The following RIC3 variants were observed in gnomAD, a reference collection of about 807,000 sequenced individuals.
RIC3 encodes the protein RIC3 acetylcholine receptor chaperone.
RIC3 carries 28 observed loss-of-function variants against 27.3 expected under a neutral mutation model. The ratio of observed to expected loss-of-function variants is 1.02; its 90% CI spans 0.76 to 1.41. The LOEUF (loss-of-function observed/expected upper bound fraction) is 1.41. RIC3 is among the 40% of genes most tolerant of loss of function. The pLI is 0.00. For synonymous variants in RIC3, 184 were observed against 160.4 expected (o/e 1.15, Z -1.11); for missense variants, 501 against 444.7 (o/e 1.13, Z -1.14).
chr11:8,107,471 C>T lies in RIC3; in HGVS notation c.*3227G>A, dbSNP rs1176906910. On this transcript the variant is annotated 3_prime_UTR_variant, in exon 6 of 6. Coordinates refer to ENST00000309737, the MANE Select transcript of RIC3 (RefSeq NM_001206671.4). ...CTTAAATGGCTATAGACAGGGGTGA[C>T]CCTACGTCCAGGACAGTCTTAGTTT... 1 of 152,192 alleles carries T rather than the reference C, an allele frequency of 6.6e-6. No homozygotes were observed. Among genetic ancestry groups the T allele is most frequent in the African/African-American group, 2.4e-5 (1 of 41,436 alleles). The allele number at this position is 152,192 out of a possible 1,614,324, so 9.4% of individuals were successfully genotyped here. A position where few individuals can be genotyped will look rare whatever the true frequency, so the allele number is the denominator to read the frequency against.
intron 1 of RIC3, among the ~76,000 whole-genome samples, chr11:8,164,206 T>G (rs2134345911): frequency 6.6e-6 from 1 of 152,292 alleles, no homozygotes; most frequent in African/African-American, 2.4e-5. Context: ...AAGACTTAAC[T>G]GCAGGAGCAA....
intron 1 of RIC3, among the ~76,000 whole-genome samples, chr11:8,145,409 A>G (rs1350869349): frequency 6.6e-6 from 1 of 152,078 alleles, no homozygotes; most frequent in African/African-American, 2.4e-5. Context: ...TCCTTTGTGC[A>G]CACAGGGGAA....
chr11:8,114,855 G>A (rs61881266), intron 5 of RIC3, among the ~76,000 whole-genome samples: 2 of 152,006 alleles, frequency 1.3e-5, no homozygotes, highest in Non-Finnish European at 2.9e-5. Flanking sequence ...GCAATAGAGA[G>A]TATCAACAGC....
At chr11:8,163,305 A>C (rs1951367164) in intron 1 of RIC3, among the ~76,000 whole-genome samples, 1 of 152,134 alleles carries the variant, frequency 6.6e-6, no homozygotes, top group South Asian at 2.1e-4. Context: ...CAACCTGAAA[A>C]CAGGCATCTA....
intron 1 of RIC3, among the ~76,000 whole-genome samples, chr11:8,165,477 A>G (rs961989005): frequency 6.6e-6 from 1 of 152,240 alleles, no homozygotes; most frequent in African/African-American, 2.4e-5. Context: ...TGTCCAGAAC[A>G]GGCAAATCTA....
chr11:8,131,285 G>A (rs1004050997), intron 4 of RIC3, among the ~76,000 whole-genome samples: 7 of 152,146 alleles, frequency 4.6e-5, no homozygotes, highest in Non-Finnish European at 8.8e-5. Flanking sequence ...GAAATGACAA[G>A]ACATGGTGAT....
chr11:8,125,854 C>T (rs111531383), intron 5 of RIC3, among the ~76,000 whole-genome samples: 123 of 152,240 alleles, frequency 8.1e-4, no homozygotes, highest in African/African-American at 2.9e-3. Flanking sequence ...GCCTGGCCAA[C>T]ATGGTGAAAC....
Position 8,109,085 on chromosome 11 carries a change from A to G in RIC3, c.*1613T>C, listed in dbSNP as rs1944970521. The G allele has an allele frequency of 6.6e-6, 1 of 152,246 alleles. No individual in the cohort carries two copies. Among genetic ancestry groups the G allele is most frequent in the South Asian group, 2.1e-4 (1 of 4,830 alleles). 9.4% of individuals were successfully genotyped at this position (152,246 alleles called of 1,614,324 possible). ...GAGATAGATGCAATATGCTTTCTATAAACTCAGTCTTGAATGACTTTCTGT... is the reference window on the plus strand; with the variant it reads ...GAGATAGATGCAATATGCTTTCTATGAACTCAGTCTTGAATGACTTTCTGT... On this transcript the variant is annotated 3_prime_UTR_variant, in exon 6 of 6. Coordinates refer to ENST00000309737, the MANE Select transcript of RIC3 (RefSeq NM_001206671.4).
chr11:8,166,874 C>A (rs905734135), intron 1 of RIC3, among the ~76,000 whole-genome samples: 22 of 150,656 alleles, frequency 1.5e-4, no homozygotes, highest in Non-Finnish European at 4.4e-5. Context: ...AGAGTGAGAC[C>A]CAGGGAAAGG....
chr11:8,138,367 T>C lies in RIC3; in HGVS notation c.352-20A>G, dbSNP rs752383368. The C allele has an allele frequency of 3.2e-6, 5 of 1,545,356 alleles. No homozygotes were observed. The highest frequency in any genetic ancestry group is 1.4e-5 in the African/African-American group (1 of 73,234). On this transcript the variant is annotated intron_variant, in intron 2 of 5. Transcript: ENST00000309737. ...TGAGAGCTGAGAATTGAAGGAGGTA[T>C]AGCACATCAACAGCAGCTCAGAACC...
At chr11:8,104,286 C>A (rs185654949), downstream of RIC3, 1 of 152,090 alleles carries the variant, frequency 6.6e-6, no homozygotes, top group African/African-American at 2.4e-5. Flanking sequence ...TCTCTGTAAC[C>A]GCTTCTGGGG....
intron 5 of RIC3, among the ~76,000 whole-genome samples, chr11:8,112,279 C>A (rs867558807): frequency 0.05 from 6,748 of 135,110 alleles, 213 homozygotes; most frequent in African/African-American, 0.11. Context: ...ATTTTCTTTT[C>A]TTTTCTTTTC....
the RIC3 span, chr11:8,100,681 ATG>A: frequency 4.9e-5 from 73 of 1,504,110 alleles, no homozygotes; most frequent in African/African-American, 9.0e-4. Context: ...ACTCCAGCTG[ATG>A]TGTGTATGTG....
At chr11:8,100,660 C>T in the RIC3 span, 1 of 1,570,936 alleles carries the variant, frequency 6.4e-7, no homozygotes, top group Non-Finnish European at 8.7e-7. Flanking sequence ...GCATGAGCTT[C>T]TAAGGGCAGA....
chr11:8,132,543 T>TGAC (rs999886541), intron 4 of RIC3, among the ~76,000 whole-genome samples: 1 of 152,194 alleles, frequency 6.6e-6, no homozygotes, highest in African/African-American at 2.4e-5. Flanking sequence ...GGCACAAGAC[T>TGAC]GACATTCTAG....
intron 5 of RIC3, among the ~76,000 whole-genome samples, chr11:8,112,969 G>A (rs1308816231): frequency 6.6e-6 from 1 of 152,224 alleles, no homozygotes; most frequent in Non-Finnish European, 1.5e-5. Flanking sequence ...TTACTTTCCA[G>A]AAGAGTGGTA....
At chr11:8,101,642 G>T, downstream of RIC3, 1 of 1,613,178 alleles carries the variant, frequency 6.2e-7, no homozygotes. Flanking sequence ...GCCCTTTGGG[G>T]TTGCCCAGCC....
chr11:8,143,130 C>A (rs1477551764), intron 1 of RIC3, among the ~76,000 whole-genome samples: 1 of 125,006 alleles, frequency 8.0e-6, no homozygotes, highest in Non-Finnish European at 1.6e-5. Flanking sequence ...GACAGGGATG[C>A]CCTCTCTCAC....
intron 4 of RIC3, among the ~76,000 whole-genome samples, chr11:8,134,573 T>A (rs1216740356): frequency 1.3e-5 from 2 of 152,226 alleles, no homozygotes; most frequent in South Asian, 4.1e-4. Flanking sequence ...ATCGTCACAC[T>A]GTCTTCCACA....
Sources: gnomAD v4.1 joint callset for allele counts (sites outside exome capture counted in the v4.1 genomes callset) on GRCh38, gnomAD v4.1.1 for gene constraint, MANE v1.5 for transcripts, NCBI Gene and HGNC (gene_info 2026-07-23, HGNC 2026-07-21) for gene names.